Variants in ZNF532 observed in about 807,000 individuals in gnomAD.
The protein encoded by ZNF532 is zinc finger protein 532.
In ZNF532, 22 loss-of-function variants were observed where a neutral mutation model predicts 89.3. That is an observed-to-expected ratio of 0.25 (90% CI 0.18 to 0.35). ZNF532 has a LOEUF of 0.35. Ranked by LOEUF, ZNF532 falls within the 10% of genes least tolerant of loss-of-function variation. The pLI is 1.00. For synonymous variants in ZNF532, 606 were observed against 649.6 expected (o/e 0.93, Z 1.02); for missense variants, 1,132 against 1,643.4 (o/e 0.69, Z 5.38).
intron 2 of ZNF532, among the ~76,000 whole-genome samples, chr18:58,875,969 G>C (rs2057392335): frequency 8.0e-6 from 1 of 125,418 alleles, no homozygotes; most frequent in Non-Finnish European, 1.6e-5. Flanking sequence ...GTCTCGCTCT[G>C]TCGCCCAGGC....
chr18:58,952,846 C>T (rs752813058), intron 6 of ZNF532, among the ~76,000 whole-genome samples: 1 of 149,994 alleles, frequency 6.7e-6, no homozygotes, highest in Non-Finnish European at 1.5e-5. Flanking sequence ...CTGTTGTGGC[C>T]ATTATGTTAA....
At chr18:58,927,852 A>T (rs1011226261) in intron 3 of ZNF532, among the ~76,000 whole-genome samples, 3 of 152,032 alleles carry the variant, frequency 2.0e-5, no homozygotes, top group African/African-American at 4.8e-5. Flanking sequence ...GTCACTTTCC[A>T]TTTGACTTCC....
At chr18:58,941,227 A>G (rs1348960364) in intron 5 of ZNF532, among the ~76,000 whole-genome samples, 1 of 152,138 alleles carries the variant, frequency 6.6e-6, no homozygotes, top group Non-Finnish European at 1.5e-5. Context: ...TTCAGTTTTC[A>G]GGACTGTTAG....
Position 58,934,562 on chromosome 18 carries a change from C to T in ZNF532, c.2476C>T (p.Gln826Ter). ...GGCCATCTGCAGGTCGGTGCACTTC[C>T]AGACCCACGTCACCAAGAACTGTCT... ...CGAICRSVHF[Q>*]THVTKNCLHY... Residue 826 changes from glutamine (Q) to a stop codon, truncating the protein, a stop_gained, in exon 4 of 10, where the codon CAG (glutamine) becomes TAG (stop). Coordinates refer to ENST00000591808, the MANE Select transcript of ZNF532 (RefSeq NM_001375912.1). LOFTEE classifies it high-confidence loss of function. 6.2e-7 allele frequency: 1 copy of T among 1,614,190 alleles called. No individual in the cohort carries two copies. Among genetic ancestry groups the T allele is most frequent in the Non-Finnish European group, 8.5e-7 (1 of 1,180,014 alleles).
chr18:58,943,289 A>G lies in ZNF532; in HGVS notation c.2705+3668A>G, dbSNP rs184126532. Among the ~76,000 whole-genome samples the G allele has an allele frequency of 5.6e-3, 843 of 149,232 alleles. 6 individuals are homozygous for G. Among genetic ancestry groups the G allele is most frequent in the African/African-American group, 0.02 (813 of 40,400 alleles). ...ATTCTTCTGCCTCAGCCTCCTGAGTACCTGGGACTACAGGCGCCCACCATC... is the reference window on the plus strand; with the variant it reads ...ATTCTTCTGCCTCAGCCTCCTGAGTGCCTGGGACTACAGGCGCCCACCATC... On this transcript the variant is annotated intron_variant, in intron 5 of 9. Coordinates refer to ENST00000591808, the MANE Select transcript of ZNF532 (RefSeq NM_001375912.1).
intron 2 of ZNF532, among the ~76,000 whole-genome samples, chr18:58,871,655 C>T (rs1373511153): frequency 6.6e-6 from 1 of 152,126 alleles, no homozygotes; most frequent in South Asian, 2.1e-4. Flanking sequence ...ACACTGGCGC[C>T]GTTCACGTTG....
intron 6 of ZNF532, among the ~76,000 whole-genome samples, chr18:58,948,713 G>A (rs901699423): frequency 1.3e-5 from 2 of 151,814 alleles, no homozygotes; most frequent in African/African-American, 2.4e-5. Flanking sequence ...GATTACAGGC[G>A]TGTACCACCA....
chr18:58,892,486 C>T (rs1322481527), intron 2 of ZNF532, among the ~76,000 whole-genome samples: 1 of 152,142 alleles, frequency 6.6e-6, no homozygotes, highest in Non-Finnish European at 1.5e-5. Context: ...ATCTGTATCC[C>T]AAATGTTACC....
At chr18:58,955,359 CCTAATA>C (rs1486028989) in intron 7 of ZNF532, among the ~76,000 whole-genome samples, 1 of 152,192 alleles carries the variant, frequency 6.6e-6, no homozygotes, top group Non-Finnish European at 1.5e-5. Context: ...CATTTGTAAT[CCTAATA>C]CTGAGATTGA....
intron 2 of ZNF532, among the ~76,000 whole-genome samples, chr18:58,865,887 C>A (rs1309040100): frequency 6.6e-6 from 1 of 152,100 alleles, no homozygotes; most frequent in Non-Finnish European, 1.5e-5. Flanking sequence ...TTGCATAAGA[C>A]GAAAGCAGTA....
In ZNF532 at chr18:58,865,588, C is replaced by T. The variant is rs7226876; in HGVS notation, c.-18+9C>T. On this transcript the variant is annotated intron_variant, in intron 2 of 9. Coordinates refer to ENST00000591808, the MANE Select transcript of ZNF532 (RefSeq NM_001375912.1). ...AGGTCAAGGTTCACAAGGTGAGATA[C>T]GCTGTTTTGAGCATGAATTTAAATA... is the stretch of plus-strand genomic sequence containing the variant. 0.28 allele frequency: 42,102 copies of T among 152,882 alleles called. 6,016 individuals carry two copies. Among genetic ancestry groups the T allele is most frequent in the Middle Eastern group, 0.39 (114 of 296 alleles). The allele number at this position is 152,882 out of a possible 1,614,324, so 9.5% of individuals were successfully genotyped here.
rs187093185 is a variant in ZNF532 at position 58,964,891 on chromosome 18, G to A, written c.3150+11092G>A. 7.9e-5 allele frequency among the ~76,000 whole-genome samples: 12 copies of A among 151,030 alleles called. No individual in the cohort carries two copies. In the East Asian group the frequency reaches 2.1e-3, roughly 27 times the overall value. ...CAAAGTGCCAGGATTACAGATGTGC[G>A]CCATCACACCTGGCCTATAATTTTA... On this transcript the variant is annotated intron_variant, in intron 7 of 9. Transcript: ENST00000591808.
At chr18:58,983,467 A>C (rs932794307) in intron 9 of ZNF532, among the ~76,000 whole-genome samples, 59 of 151,938 alleles carry the variant, frequency 3.9e-4, no homozygotes, top group Non-Finnish European at 2.5e-4. Flanking sequence ...GCCTGTTCCC[A>C]CCTTGGGCCT....
At position 58,939,240 on chromosome 18, in the gene ZNF532, T is replaced by C. The variant is rs548228880; in HGVS notation, c.2529-205T>C. 7.8e-3 allele frequency among the ~76,000 whole-genome samples: 620 copies of C among 79,068 alleles called. 6 individuals are homozygous for C. Among genetic ancestry groups the C allele is most frequent in the African/African-American group, 0.03 (562 of 18,616 alleles). The allele number at this position is 79,068 out of a possible 152,430, so 51.9% of individuals were successfully genotyped here. A position where few individuals can be genotyped will look rare whatever the true frequency, so the allele number is the denominator to read the frequency against. Reference sequence around the variant, plus strand: ...CCAGCCTGGGCGACAGAGCGAGACGTTGTCTCAAAAAAAAAAAAAAAAAAA... The same window carrying C: ...CCAGCCTGGGCGACAGAGCGAGACGCTGTCTCAAAAAAAAAAAAAAAAAAA... On this transcript the variant is annotated intron_variant, in intron 4 of 9. Coordinates refer to ENST00000591808, the MANE Select transcript of ZNF532 (RefSeq NM_001375912.1).
At chr18:58,976,263 C>G (rs907521658) in intron 7 of ZNF532, among the ~76,000 whole-genome samples, 1 of 152,182 alleles carries the variant, frequency 6.6e-6, no homozygotes, top group Non-Finnish European at 1.5e-5. Context: ...AAGGATGTCT[C>G]TCTCACATTG....
At chr18:58,874,199 G>A (rs572809105) in intron 2 of ZNF532, among the ~76,000 whole-genome samples, 2 of 152,178 alleles carry the variant, frequency 1.3e-5, no homozygotes, top group African/African-American at 4.8e-5. Flanking sequence ...CCTCCTTGTC[G>A]CTAGAGTTTT....
intron 7 of ZNF532, among the ~76,000 whole-genome samples, chr18:58,972,936 G>A (rs961318741): frequency 3.3e-5 from 5 of 152,180 alleles, no homozygotes; most frequent in Admixed American, 1.3e-4. Context: ...TTCTGATGCA[G>A]AGATGAACAA....
At chr18:58,866,804 C>T (rs1204306981) in intron 2 of ZNF532, among the ~76,000 whole-genome samples, 1 of 152,064 alleles carries the variant, frequency 6.6e-6, no homozygotes, top group Non-Finnish European at 1.5e-5. Flanking sequence ...ATAAAACTGG[C>T]AAAAGGGAAA....
At position 58,955,135 on chromosome 18, in the gene ZNF532, T is replaced by A. The variant is rs557960869; in HGVS notation, c.3150+1336T>A. 2.0e-5 allele frequency among the ~76,000 whole-genome samples: 3 copies of A among 152,352 alleles called. No homozygotes were observed. In the East Asian group the frequency reaches 5.8e-4, roughly 29 times the overall value. On this transcript the variant is annotated intron_variant, in intron 7 of 9. Coordinates refer to ENST00000591808, the MANE Select transcript of ZNF532 (RefSeq NM_001375912.1). ...AGCTGGGCATGGTGGCTCATGCCTATAATCCCAGCACATTGGGAGGCGGAG... is the reference window on the plus strand; with the variant it reads ...AGCTGGGCATGGTGGCTCATGCCTAAAATCCCAGCACATTGGGAGGCGGAG...
Sources: gnomAD v4.1 joint callset for allele counts (sites outside exome capture counted in the v4.1 genomes callset) on GRCh38, gnomAD v4.1.1 for gene constraint, MANE v1.5 for transcripts, NCBI Gene and HGNC (gene_info 2026-07-23, HGNC 2026-07-21) for gene names.